The following CRISPLD1 variants were observed in gnomAD, a reference collection of about 807,000 sequenced individuals.
CRISPLD1 encodes cysteine rich secretory protein LCCL domain containing 1, also known as cysteine-rich secretory protein LCCL domain-containing 1.
In CRISPLD1, 60 loss-of-function variants were observed where a neutral mutation model predicts 77.5. That is an observed-to-expected ratio of 0.77 (90% CI 0.63 to 0.96). CRISPLD1 has a LOEUF of 0.96. Among genes scored for constraint, CRISPLD1 ranks in the 40% least tolerant of loss-of-function variants. CRISPLD1 has a pLI of 0.00. For synonymous variants in CRISPLD1, 195 were observed against 200.1 expected, an observed-to-expected ratio of 0.97 and a Z score of 0.22; for missense variants, 623 against 615.8, an observed-to-expected ratio of 1.01 and a Z score of -0.12.
chr8:74,993,933 A>AT (rs1246984831), intron 2 of CRISPLD1, among the ~76,000 whole-genome samples: 4 of 152,250 alleles, frequency 2.6e-5, no homozygotes, highest in Non-Finnish European at 5.9e-5. Context: ...CAGAGGGAGC[A>AT]TGAGAAGTGT....
chr8:75,013,747 A>C (rs1286172637), intron 4 of CRISPLD1, among the ~76,000 whole-genome samples: 3 of 152,160 alleles, frequency 2.0e-5, no homozygotes, highest in Non-Finnish European at 4.4e-5. Context: ...CTAAATTTGC[A>C]TTTGAAAATG....
rs1482010765 is a variant in CRISPLD1 at position 75,019,856 on chromosome 8, A to AT, written c.1128-9dup. On this transcript the variant is annotated splice_polypyrimidine_tract_variant and intron_variant, in intron 10 of 14. Coordinates refer to ENST00000262207, the MANE Select transcript of CRISPLD1 (RefSeq NM_031461.6). ...ATATGAAAATAATTAACATTTCTGT[A>AT]TTTTTACCTTCAGCAAATATCAGTC... The AT allele has an allele frequency of 6.2e-7, 1 of 1,604,304 alleles. No homozygotes were observed. Among genetic ancestry groups the AT allele is most frequent in the Non-Finnish European group, 8.5e-7 (1 of 1,172,200 alleles).
chr8:75,009,302 A>G (rs16939025), intron 2 of CRISPLD1, among the ~76,000 whole-genome samples: 40,042 of 151,516 alleles, frequency 0.26, 7,216 homozygotes, highest in African/African-American at 0.52. Flanking sequence ...CATTGGCTTA[A>G]GTCTGTCACG....
chr8:75,013,161 G>A, intron 4 of CRISPLD1, 139 bp downstream of exon 4: 2 of 608,096 alleles, frequency 3.3e-6, no homozygotes, highest in Admixed American at 3.9e-5. Flanking sequence ...ATGTTGAATT[G>A]GCTTACAAAG....
At chr8:75,015,644 G>GCAGC (rs1813014498) in intron 6 of CRISPLD1, among the ~76,000 whole-genome samples, 1 of 152,050 alleles carries the variant, frequency 6.6e-6, no homozygotes, top group Non-Finnish European at 1.5e-5. Flanking sequence ...TTGAACAATT[G>GCAGC]CAGCCCTTTT....
chr8:74,996,355 A>G (rs1316696021), intron 2 of CRISPLD1, among the ~76,000 whole-genome samples: 1 of 152,222 alleles, frequency 6.6e-6, no homozygotes, highest in Non-Finnish European at 1.5e-5. Context: ...AAATCAACAA[A>G]TATTGATTGA....
At chr8:74,995,657 C>T (rs1812636143) in intron 2 of CRISPLD1, among the ~76,000 whole-genome samples, 1 of 152,160 alleles carries the variant, frequency 6.6e-6, no homozygotes, top group African/African-American at 2.4e-5. Flanking sequence ...AGTCTTAACT[C>T]TCTTCCAGCC....
At chr8:75,004,747 T>G (rs568449835) in intron 2 of CRISPLD1, among the ~76,000 whole-genome samples, 1 of 152,284 alleles carries the variant, frequency 6.6e-6, no homozygotes, top group Non-Finnish European at 1.5e-5. Context: ...AAAGCAGTAT[T>G]TTTAAAAAGA....
intron 2 of CRISPLD1, among the ~76,000 whole-genome samples, chr8:75,001,955 T>G (rs913710620): frequency 3.9e-5 from 6 of 152,166 alleles, no homozygotes; most frequent in Non-Finnish European, 8.8e-5. Flanking sequence ...TCTTGACCTT[T>G]CTTGACCTAA....
At chr8:74,987,760 A>G (rs1451585558) in intron 2 of CRISPLD1, among the ~76,000 whole-genome samples, 1 of 152,188 alleles carries the variant, frequency 6.6e-6, no homozygotes, top group African/African-American at 2.4e-5. Flanking sequence ...ATTCCATGTG[A>G]ATAGGTATTC....
chr8:75,017,614 G>A (rs895233268), intron 10 of CRISPLD1, among the ~76,000 whole-genome samples, 164 bp downstream of exon 10: 42 of 152,054 alleles, frequency 2.8e-4, no homozygotes, highest in Non-Finnish European at 2.6e-4. Flanking sequence ...AGAAGATAAC[G>A]CATTTAAGGT....
At chr8:74,996,551 A>C (rs999424395) in intron 2 of CRISPLD1, among the ~76,000 whole-genome samples, 1 of 152,102 alleles carries the variant, frequency 6.6e-6, no homozygotes, top group Non-Finnish European at 1.5e-5. Context: ...GGAAAGATAC[A>C]GAGACCCATC....
chr8:75,022,892 C>T (rs1813162525), intron 12 of CRISPLD1, among the ~76,000 whole-genome samples: 2 of 151,720 alleles, frequency 1.3e-5, no homozygotes, highest in African/African-American at 4.8e-5. Context: ...ATTTAGTAAC[C>T]ATTTGGTGGC....
At chr8:75,008,583 T>C (rs530698320) in intron 2 of CRISPLD1, among the ~76,000 whole-genome samples, 23 of 152,280 alleles carry the variant, frequency 1.5e-4, no homozygotes, top group African/African-American at 5.3e-4. Flanking sequence ...ATTCTGTGAA[T>C]AGATAATTAC....
In CRISPLD1 at chr8:75,017,352, T is replaced by C. The variant is rs921699577; in HGVS notation, c.1029T>C (p.Tyr343=). 6.2e-7 allele frequency: 1 copy of C among 1,608,906 alleles called. No homozygotes were observed. The highest frequency in any genetic ancestry group is 8.5e-7 in the Non-Finnish European group (1 of 1,178,512). Residue 343 remains tyrosine, a synonymous_variant, in exon 10 of 15, where the codon TAT becomes TAC. Transcript: ENST00000262207. ...QSSICRAAIH[Y]GIIDNDGGWV... ...GCATCTGTAGAGCTGCAATTCATTA[T>C]GGTATAATAGACAATGATGGTGGCT...
chr8:75,026,171 A>G (rs1038204858), intron 13 of CRISPLD1, among the ~76,000 whole-genome samples: 2 of 152,092 alleles, frequency 1.3e-5, no homozygotes, highest in Admixed American at 6.5e-5. Flanking sequence ...TTTAACCTCA[A>G]ACTCGGGCTC....
chr8:75,000,449 A>G (rs1812721248), intron 2 of CRISPLD1: 2 of 971,730 alleles, frequency 2.1e-6, no homozygotes, highest in African/African-American at 1.8e-5. Flanking sequence ...GTGCTATCTC[A>G]CATGAACATC....
chr8:75,020,162 T>C (rs1410600520), intron 12 of CRISPLD1, 83 bp downstream of exon 12: 4 of 1,092,952 alleles, frequency 3.7e-6, no homozygotes, highest in Non-Finnish European at 5.6e-6. Context: ...GATTCAAAAG[T>C]TGTATAATCT....
intron 2 of CRISPLD1, among the ~76,000 whole-genome samples, chr8:74,994,964 G>C (rs972766530): frequency 6.6e-6 from 1 of 152,120 alleles, no homozygotes; most frequent in African/African-American, 2.4e-5. Context: ...TTGAGATTTA[G>C]CTTAGATATC....
Sources: allele counts gnomAD v4.1 joint callset (sites outside exome capture counted in the v4.1 genomes callset), GRCh38; gene constraint gnomAD v4.1.1; transcripts MANE v1.5; gene names NCBI Gene and HGNC (gene_info 2026-07-23, HGNC 2026-07-21).